The following ANKRD11 variants were observed in gnomAD, a reference collection of about 807,000 sequenced individuals.
ANKRD11 encodes the protein ankyrin repeat domain 11.
A neutral mutation model predicts 195.7 loss-of-function variants in ANKRD11; 17 were observed. That is an observed-to-expected ratio of 0.09 (90% CI 0.06 to 0.13). The LOEUF is 0.13. Among genes scored for constraint, ANKRD11 ranks in the 10% least tolerant of loss-of-function variants. The pLI is 1.00. For synonymous variants in ANKRD11, 1,953 were observed against 1,528.1 expected (o/e 1.28, Z -6.49); for missense variants, 3,735 against 3,566.1 (o/e 1.05, Z -1.21).
intron 1 of ANKRD11, among the ~76,000 whole-genome samples, chr16:89,477,672 A>G (rs1175615908): frequency 6.6e-6 from 1 of 151,318 alleles, no homozygotes; most frequent in African/African-American, 2.4e-5. Context: ...TAGCATTTTA[A>G]TAATAAAAAT....
Position 89,280,985 on chromosome 16 carries a change from G to C in ANKRD11, c.5557C>G (p.Pro1853Ala), listed in dbSNP as rs2151743495. The change falls in exon 9 of 13, where the codon CCA becomes GCA. Residue 1853 changes from proline (P) to alanine (A), a missense_variant. Coordinates refer to ENST00000301030, the MANE Select transcript of ANKRD11 (RefSeq NM_013275.6). ...TTGGGCGACGGGAGGCCATAGTCTG[G>C]GGAGTAGTACCCTGGCGACAAGCAG... ...FACLSPGYYS[P>A]DYGLPSPKVD... is the part of the protein sequence containing the mutation. 1 of 1,575,924 alleles carries C rather than the reference G, an allele frequency of 6.3e-7. No homozygotes were observed. The highest frequency in any genetic ancestry group is 2.3e-5 in the East Asian group (1 of 44,408).
In ANKRD11 at chr16:89,279,415, T is replaced by C; in HGVS notation, c.7127A>G (p.Asp2376Gly). The change falls in exon 9 of 13, where the codon GAC (aspartate) becomes GGC (glycine). Residue 2376 changes from aspartate (D) to glycine (G), a missense_variant. By Grantham distance (94) the Asp-to-Gly change is moderately conservative. Coordinates refer to ENST00000301030, the MANE Select transcript of ANKRD11 (RefSeq NM_013275.6). The surrounding 1 kb of genome is among the most constrained non-coding windows in gnomAD (Gnocchi z 5.6). ...CGGATGCTGGGCCTGGGCGTCGTCG[T>C]CCTCGGAGCCGCGGGCCTTGGCCCT... ...VTRAKARGSE[D>G]DDAQAQHPRK... 1.3e-6 allele frequency: 2 copies of C among 1,532,568 alleles called. No homozygotes were observed. Among genetic ancestry groups the C allele is most frequent in the South Asian group, 1.2e-5 (1 of 84,458 alleles). 94.9% of individuals were successfully genotyped at this position (1,532,568 alleles called of 1,614,324 possible). A position where few individuals can be genotyped will look rare whatever the true frequency, so the allele number is the denominator to read the frequency against.
At chr16:89,470,664 C>T (rs1419535665) in intron 1 of ANKRD11, among the ~76,000 whole-genome samples, 1 of 151,730 alleles carries the variant, frequency 6.6e-6, no homozygotes, top group South Asian at 2.1e-4. Flanking sequence ...GCTAACATGG[C>T]GAAACCCAGT....
chr16:89,324,402 A>G (rs754668062), intron 2 of ANKRD11: 1 of 546,594 alleles, frequency 1.8e-6, no homozygotes, highest in South Asian at 1.5e-5. Context: ...CAGCTTCGTT[A>G]GTCATCAAGA....
chr16:89,352,368 A>G (rs1483041640), intron 2 of ANKRD11, among the ~76,000 whole-genome samples: 1 of 151,496 alleles, frequency 6.6e-6, no homozygotes, highest in Non-Finnish European at 1.5e-5. Context: ...GCAATGTCTC[A>G]AGGCAGCCCC....
chr16:89,343,906 G>T (rs536231992), intron 2 of ANKRD11: 1 of 152,374 alleles, frequency 6.6e-6, no homozygotes, highest in South Asian at 2.1e-4. Flanking sequence ...AAGGCACGTT[G>T]GAAACTACGG....
chr16:89,382,343 A>T (rs1361931563), intron 2 of ANKRD11, among the ~76,000 whole-genome samples: 3 of 146,224 alleles, frequency 2.1e-5, no homozygotes, highest in Non-Finnish European at 3.1e-5. Flanking sequence ...ATATTTTTTT[A>T]AAGACAGAGT....
chr16:89,349,254 C>T (rs938282300), intron 2 of ANKRD11, among the ~76,000 whole-genome samples: 2 of 150,136 alleles, frequency 1.3e-5, no homozygotes, highest in South Asian at 2.1e-4. Context: ...ACAGGCCAGG[C>T]GCAGTGGCTC....
At chr16:89,460,949 G>A (rs1383773624) in intron 1 of ANKRD11, among the ~76,000 whole-genome samples, 11 of 130,410 alleles carry the variant, frequency 8.4e-5, no homozygotes, top group Non-Finnish European at 1.6e-4. Flanking sequence ...CATAAGAGAA[G>A]AAAGGACAAA....
chr16:89,472,198 C>T lies in ANKRD11; in HGVS notation c.-145+18047G>A, dbSNP rs184430051. Reference sequence around the variant, plus strand: ...TGCTGTCAACACTGCCCAATAAACACTCGCAGGACACAGCTAAGGAAGACA... The same window carrying T: ...TGCTGTCAACACTGCCCAATAAACATTCGCAGGACACAGCTAAGGAAGACA... On this transcript the variant is annotated intron_variant, in intron 1 of 12. Coordinates refer to ENST00000301030, the MANE Select transcript of ANKRD11 (RefSeq NM_013275.6). 5.8e-3 allele frequency among the ~76,000 whole-genome samples: 876 copies of T among 152,286 alleles called. 4 individuals carry two copies. Among genetic ancestry groups the T allele is most frequent in the Middle Eastern group, 0.02 (6 of 294 alleles).
At position 89,278,935 on chromosome 16, in the gene ANKRD11, G is replaced by A. The variant is rs1431744289; in HGVS notation, c.7470+137C>T. ...GCCTCCACAGCAGAAGTGGGGCTGT[G>A]TCTCCTCAGGTGGCAGAAGGTCGAG... On this transcript the variant is annotated intron_variant, in intron 9 of 12. Coordinates refer to ENST00000301030, the MANE Select transcript of ANKRD11 (RefSeq NM_013275.6). 3.6e-6 allele frequency: 5 copies of A among 1,374,066 alleles called. No individual in the cohort carries two copies. The East Asian group carries it at 7.5e-5, about 21-fold the overall frequency. The allele number at this position is 1,374,066 out of a possible 1,614,324, so 85.1% of individuals were successfully genotyped here. A position where few individuals can be genotyped will look rare whatever the true frequency, so the allele number is the denominator to read the frequency against.
intron 2 of ANKRD11, among the ~76,000 whole-genome samples, chr16:89,348,503 G>A (rs979827343): frequency 6.6e-6 from 1 of 152,134 alleles, no homozygotes; most frequent in Non-Finnish European, 1.5e-5. Context: ...TGTTGTGGAA[G>A]GGCTTCTATA....
intron 12 of ANKRD11, chr16:89,270,587 G>A (rs866986740): frequency 2.6e-5 from 15 of 573,632 alleles, no homozygotes; most frequent in African/African-American, 7.5e-5. Context: ...GACAGGAGCC[G>A]CTCCCTGCAC....
At chr16:89,458,294 C>G (rs949302654) in intron 1 of ANKRD11, among the ~76,000 whole-genome samples, 2 of 151,846 alleles carry the variant, frequency 1.3e-5, no homozygotes, top group African/African-American at 4.8e-5. Context: ...GCGCGATCTC[C>G]GCTCACTGCA....
chr16:89,425,193 A>G (rs2042668860), intron 1 of ANKRD11, among the ~76,000 whole-genome samples: 1 of 152,144 alleles, frequency 6.6e-6, no homozygotes, highest in Non-Finnish European at 1.5e-5. Flanking sequence ...AGTAGGTATC[A>G]TTATTATCTC....
rs1328484032 is a variant in ANKRD11, at chr16:89,267,872, G to T, written c.*606C>A. The T allele has an allele frequency of 6.5e-6, 1 of 154,040 alleles. No individual in the cohort carries two copies. Among genetic ancestry groups the T allele is most frequent in the Non-Finnish European group, 1.4e-5 (1 of 69,260 alleles). 9.5% of individuals were successfully genotyped at this position (154,040 alleles called of 1,614,324 possible). On this transcript the variant is annotated 3_prime_UTR_variant, in exon 13 of 13. Coordinates refer to ENST00000301030, the MANE Select transcript of ANKRD11 (RefSeq NM_013275.6). The stretch of plus-strand genomic sequence containing the variant: ...ACAAAATGCCCAAGATTAAAGGAAA[G>T]AAGATACAAACCACGCGGATTTGAC...
rs1401500451 is a variant in ANKRD11 at position 89,282,681 on chromosome 16, C to T, written c.3861G>A (p.Glu1287=). ...AGTCTTCTCTGTACTCATGGAGAGC[C>T]TCTTCTTCCAACTTTTCAAGCAGGC... ...EKSLLEKLEE[E]ALHEYREDSN... The change falls in exon 9 of 13, where the codon GAG becomes GAA. Residue 1287 remains glutamate (E), a synonymous_variant. Transcript: ENST00000301030. 3 of 1,614,130 alleles carry T rather than the reference C, an allele frequency of 1.9e-6. No homozygotes were observed. The highest frequency in any genetic ancestry group is 2.5e-6 in the Non-Finnish European group (3 of 1,180,028).
rs574624031 is a variant in ANKRD11, at chr16:89,324,245, T to G, written c.-59-7167A>C. On this transcript the variant is annotated intron_variant, in intron 2 of 12. Transcript: ENST00000301030. ...CTGCTTTGCCCCTCAGACACATGCT[T>G]GGTCACTGGGCTGTGGAACATACAG... is the stretch of plus-strand genomic sequence containing the variant. 1.4e-4 allele frequency: 166 copies of G among 1,209,024 alleles called. 4 individuals are homozygous for G. In the South Asian group the frequency reaches 2.4e-3, roughly 17 times the overall value. 74.9% of individuals were successfully genotyped at this position (1,209,024 alleles called of 1,614,324 possible). A position where few individuals can be genotyped will look rare whatever the true frequency, so the allele number is the denominator to read the frequency against.
chr16:89,389,315 A>C (rs527595610), intron 2 of ANKRD11, among the ~76,000 whole-genome samples: 5 of 152,264 alleles, frequency 3.3e-5, no homozygotes, highest in African/African-American at 9.6e-5. Context: ...GTGAGCCACC[A>C]CACCCGACCT....
Sources: allele counts gnomAD v4.1 joint callset (sites outside exome capture counted in the v4.1 genomes callset), GRCh38; gene constraint gnomAD v4.1.1; non-coding constraint Gnocchi (gnomAD v3.1); transcripts MANE v1.5; gene names NCBI Gene and HGNC (gene_info 2026-07-23, HGNC 2026-07-21).